The following SPECC1L variants were observed in gnomAD, a reference collection of about 807,000 sequenced individuals.
SPECC1L encodes sperm antigen with calponin homology and coiled-coil domains 1 like, also known as cytospin-A.
In SPECC1L, 40 loss-of-function variants were observed where a neutral mutation model predicts 116.8. The observed-to-expected ratio is 0.34, with a 90% confidence interval of 0.27 to 0.45. The LOEUF (loss-of-function observed/expected upper bound fraction) is 0.45. Among genes scored for constraint, SPECC1L ranks in the 20% least tolerant of loss-of-function variants. The probability of loss-of-function intolerance (pLI) is 1.00; values close to 1 mark genes in which losing one functional copy is unlikely to be tolerated. For synonymous variants in SPECC1L, 504 were observed against 500.6 expected (o/e 1.01, Z -0.09); for missense variants, 1,110 against 1,373.6 (o/e 0.81, Z 3.03).
intron 6 of SPECC1L, among the ~76,000 whole-genome samples, chr22:24,326,616 A>G (rs1323190675): frequency 6.6e-6 from 1 of 152,256 alleles, no homozygotes; most frequent in Non-Finnish European, 1.5e-5. Context: ...TCTCAACACA[A>G]GACTAGCCTT....
At chr22:24,373,311 T>C (rs577985502) in intron 14 of SPECC1L, among the ~76,000 whole-genome samples, 13 of 152,186 alleles carry the variant, frequency 8.5e-5, no homozygotes, top group Non-Finnish European at 1.5e-4. Flanking sequence ...AGGCCTGCAT[T>C]GCCAAGTCAA....
At chr22:24,272,138 T>C (rs182399945) in intron 1 of SPECC1L, among the ~76,000 whole-genome samples, 16 of 152,302 alleles carry the variant, frequency 1.1e-4, no homozygotes, top group African/African-American at 3.8e-4. Context: ...CCCAGCACTT[T>C]GGGAGGCCGG....
intron 14 of SPECC1L, among the ~76,000 whole-genome samples, chr22:24,401,992 A>ACCTCGGCCGCCTGCCCTG (rs1360356898): frequency 1.3e-5 from 2 of 151,814 alleles, no homozygotes; most frequent in Non-Finnish European, 2.9e-5. Flanking sequence ...CGCCTGCCCT[A>ACCTCGGCCGCCTGCCCTG]CCTCGGCCGC....
chr22:24,405,553 T>A (rs2042571687), intron 14 of SPECC1L, among the ~76,000 whole-genome samples: 1 of 151,936 alleles, frequency 6.6e-6, no homozygotes, highest in African/African-American at 2.4e-5. Flanking sequence ...TAAAAATACC[T>A]TACAGGCTGG....
At position 24,370,219 on chromosome 22, in the gene SPECC1L, C is replaced by T. The variant is rs1179545658; in HGVS notation, c.3087+899C>T. Among the ~76,000 whole-genome samples the T allele has an allele frequency of 3.3e-5, 5 of 152,200 alleles. No individual in the cohort carries two copies. In the East Asian group the frequency reaches 7.7e-4, roughly 23 times the overall value. Reference sequence around the variant, plus strand: ...CACTTTTGGATGAATTTGTACATGACTTTAAGTGATGATCCTCAACTCATT... The same window carrying T: ...CACTTTTGGATGAATTTGTACATGATTTTAAGTGATGATCCTCAACTCATT... On this transcript the variant is annotated intron_variant, in intron 14 of 16. Transcript: ENST00000314328.
chr22:24,330,853 C>T (rs2040923721), intron 8 of SPECC1L, among the ~76,000 whole-genome samples: 1 of 152,146 alleles, frequency 6.6e-6, no homozygotes, highest in South Asian at 2.1e-4. Context: ...CCTCAGTTTT[C>T]TCATCTTTAA....
At chr22:24,272,121 C>G (rs1032125093) in intron 1 of SPECC1L, among the ~76,000 whole-genome samples, 4 of 152,226 alleles carry the variant, frequency 2.6e-5, no homozygotes, top group Non-Finnish European at 5.9e-5. Context: ...TGCCTCATGC[C>G]TGTAATCCCA....
In SPECC1L at chr22:24,302,175, A is replaced by C; in HGVS notation, c.-37-20A>C. 1 of 1,586,250 alleles carries C rather than the reference A, an allele frequency of 6.3e-7. No homozygotes were observed. Among genetic ancestry groups the C allele is most frequent in the Non-Finnish European group, 8.6e-7 (1 of 1,157,398 alleles). On this transcript the variant is annotated intron_variant, in intron 2 of 16. Transcript: ENST00000314328. ...TCCTTCCAGTTATGTTCTCAGTGTA[A>C]TGCCATTTTTTTCCCACAGATTTGC...
At chr22:24,364,914 G>T (rs1486166039) in intron 12 of SPECC1L, among the ~76,000 whole-genome samples, 1 of 152,072 alleles carries the variant, frequency 6.6e-6, no homozygotes, top group East Asian at 1.9e-4. Flanking sequence ...GTACTGTGAG[G>T]GTTATAGAGA....
In SPECC1L at chr22:24,323,128, T is replaced by C. The variant is rs887754423; in HGVS notation, c.1938+210T>C. On this transcript the variant is annotated intron_variant, in intron 5 of 16. Coordinates refer to ENST00000314328, the MANE Select transcript of SPECC1L (RefSeq NM_015330.6). ...ATGTCACTTTCTCTCACTTGTATTT[T>C]GTTTCTGTTTTCCTGCCTGTGAGAG... The C allele has an allele frequency of 8.2e-6, 8 of 980,324 alleles. No homozygotes were observed. In the African/African-American group the frequency reaches 1.2e-4, roughly 15 times the overall value. The allele number at this position is 980,324 out of a possible 1,614,324, so 60.7% of individuals were successfully genotyped here.
chr22:24,391,798 T>G (rs1043300968), intron 14 of SPECC1L, among the ~76,000 whole-genome samples: 3 of 152,220 alleles, frequency 2.0e-5, no homozygotes, highest in African/African-American at 7.2e-5. Flanking sequence ...GTCTTCCCTT[T>G]AGCTCAAGGT....
chr22:24,291,193 A>G (rs2049149190), intron 2 of SPECC1L, among the ~76,000 whole-genome samples: 1 of 152,238 alleles, frequency 6.6e-6, no homozygotes, highest in Admixed American at 6.5e-5. Flanking sequence ...ATAGGCATAA[A>G]AAGTCATAAT....
intron 14 of SPECC1L, among the ~76,000 whole-genome samples, chr22:24,374,950 T>C (rs1055650757): frequency 6.6e-6 from 1 of 151,514 alleles, no homozygotes; most frequent in Non-Finnish European, 1.5e-5. Context: ...TCTAAGTAGA[T>C]AGATAAAAAG....
chr22:24,271,037 C>G (rs1373959007), intron 1 of SPECC1L, 54 bp downstream of exon 1: 1 of 152,464 alleles, frequency 6.6e-6, no homozygotes, highest in Non-Finnish European at 1.5e-5. Flanking sequence ...GGTTTATCGC[C>G]TCAGCGCCGC....
chr22:24,312,062 G>A (rs2040472581), intron 3 of SPECC1L, among the ~76,000 whole-genome samples: 1 of 151,976 alleles, frequency 6.6e-6, no homozygotes. Flanking sequence ...TTGACCTCCC[G>A]GGCTCAAGCG....
At chr22:24,291,400 C>T (rs1411128019) in intron 2 of SPECC1L, among the ~76,000 whole-genome samples, 2 of 152,100 alleles carry the variant, frequency 1.3e-5, no homozygotes, top group Non-Finnish European at 2.9e-5. Context: ...ATTTTTGTTC[C>T]AGTGTACTCC....
intron 11 of SPECC1L, among the ~76,000 whole-genome samples, chr22:24,358,491 C>A (rs2041577305): frequency 6.6e-6 from 1 of 152,176 alleles, no homozygotes; most frequent in African/African-American, 2.4e-5. Context: ...CCTCAGACTC[C>A]AAACCCTCCC....
At chr22:24,369,132 C>G in intron 13 of SPECC1L, 86 bp from the exon 14 acceptor site, 1 of 917,800 alleles carries the variant, frequency 1.1e-6, no homozygotes, top group East Asian at 2.4e-5. Flanking sequence ...TATATTTCCC[C>G]TGTTTAAAAA....
intron 3 of SPECC1L, among the ~76,000 whole-genome samples, chr22:24,310,740 C>G (rs1427385458): frequency 1.3e-5 from 2 of 152,020 alleles, no homozygotes; most frequent in Admixed American, 1.3e-4. Flanking sequence ...TGAGATATTG[C>G]AAATATACTT....
Sources: gnomAD v4.1 joint callset for allele counts (sites outside exome capture counted in the v4.1 genomes callset) on GRCh38, gnomAD v4.1.1 for gene constraint, MANE v1.5 for transcripts, NCBI Gene and HGNC (gene_info 2026-07-23, HGNC 2026-07-21) for gene names.